The following DLGAP2 variants were observed in gnomAD, a reference collection of about 807,000 sequenced individuals.
DLGAP2 encodes disks large-associated protein 2.
DLGAP2 carries 26 observed loss-of-function variants against 100.3 expected under a neutral mutation model. The ratio of observed to expected loss-of-function variants is 0.26; its 90% CI spans 0.19 to 0.36. DLGAP2 has a LOEUF of 0.36. Ranked by LOEUF, DLGAP2 falls within the 10% of genes least tolerant of loss-of-function variation. The pLI is 1.00. For synonymous variants in DLGAP2, 886 were observed against 630.1 expected (o/e 1.41, Z -6.08); for missense variants, 1,858 against 1,453.2 (o/e 1.28, Z -4.53).
chr8:1,350,518 C>G lies in DLGAP2; in HGVS notation c.106+91635C>G, dbSNP rs866257230. ...CCTGACTGTGCGTGGAAAGGCCGTG[C>G]GGGTCCTGACAGTGCGTGGAAAGGC... is the stretch of plus-strand genomic sequence containing the variant. On this transcript the variant is annotated intron_variant, in intron 3 of 14. Coordinates refer to ENST00000637795, the MANE Select transcript of DLGAP2 (RefSeq NM_001346810.2). Among the ~76,000 whole-genome samples the G allele has an allele frequency of 2.4e-5, 2 of 83,364 alleles. 1 individual carries two copies. Among genetic ancestry groups the G allele is most frequent in the Non-Finnish European group, 4.6e-5 (2 of 43,316 alleles). 54.7% of individuals were successfully genotyped at this position (83,364 alleles called of 152,430 possible).
At chr8:1,209,977 A>G (rs1042390493) in intron 2 of DLGAP2, among the ~76,000 whole-genome samples, 6 of 152,154 alleles carry the variant, frequency 3.9e-5, no homozygotes, top group African/African-American at 1.4e-4. Context: ...CAACTCAAAT[A>G]ATTTGCCAGT....
intron 2 of DLGAP2, among the ~76,000 whole-genome samples, chr8:1,081,658 G>GA (rs1200395689): frequency 2.0e-5 from 3 of 152,068 alleles, no homozygotes; most frequent in African/African-American, 7.2e-5. Context: ...CTAGTTTTGA[G>GA]AAAAAATATT....
chr8:795,166 A>T (rs768888282), intron 1 of DLGAP2, among the ~76,000 whole-genome samples: 10 of 152,200 alleles, frequency 6.6e-5, no homozygotes, highest in Non-Finnish European at 1.5e-5. Flanking sequence ...GTCACCGTGA[A>T]CACTGAACCC....
At chr8:1,170,079 G>C (rs998835192) in intron 2 of DLGAP2, among the ~76,000 whole-genome samples, 1 of 152,112 alleles carries the variant, frequency 6.6e-6, no homozygotes, top group Non-Finnish European at 1.5e-5. Context: ...TTTATTGAGA[G>C]TTTTTAGCAT....
intron 1 of DLGAP2, among the ~76,000 whole-genome samples, chr8:906,268 G>C (rs1007179886): frequency 1.1e-4 from 16 of 152,238 alleles, no homozygotes; most frequent in African/African-American, 3.6e-4. Context: ...AGTATTTTGT[G>C]GGCAACTTAG....
chr8:1,162,070 G>A lies in DLGAP2; in HGVS notation c.74-96781G>A, dbSNP rs76684946. 6.8e-4 allele frequency among the ~76,000 whole-genome samples: 103 copies of A among 152,328 alleles called. No homozygotes were observed. In the East Asian group the frequency reaches 0.018, roughly 27 times the overall value. On this transcript the variant is annotated intron_variant, in intron 2 of 14. Coordinates refer to ENST00000637795, the MANE Select transcript of DLGAP2 (RefSeq NM_001346810.2). The stretch of plus-strand genomic sequence containing the variant: ...CCCGGAGCCTGCGTTTGCAGCAGAA[G>A]TTCCAGCTGATTCTTATCTCATTAA...
intron 2 of DLGAP2, among the ~76,000 whole-genome samples, chr8:1,203,468 A>C (rs1402222740): frequency 6.6e-6 from 1 of 152,068 alleles, no homozygotes; most frequent in Non-Finnish European, 1.5e-5. Flanking sequence ...GGCCTCCCCA[A>C]AGTGCCTTTT....
intron 2 of DLGAP2, among the ~76,000 whole-genome samples, chr8:1,209,317 G>A (rs1034633853): frequency 6.6e-6 from 1 of 152,138 alleles, no homozygotes; most frequent in African/African-American, 2.4e-5. Context: ...TAGAGCAATG[G>A]AACAGAATAG....
At chr8:1,514,901 C>T (rs1008862196) in intron 4 of DLGAP2, among the ~76,000 whole-genome samples, 7 of 152,208 alleles carry the variant, frequency 4.6e-5, no homozygotes, top group African/African-American at 1.4e-4. Flanking sequence ...AAGCCAGCCC[C>T]ACGAGGGGAA....
intron 3 of DLGAP2, among the ~76,000 whole-genome samples, chr8:1,264,371 C>T (rs1030536847): frequency 1.3e-5 from 2 of 152,064 alleles, no homozygotes; most frequent in Non-Finnish European, 2.9e-5. Flanking sequence ...AGACACTCAC[C>T]CAGCTTCCCC....
chr8:1,545,580 AT>A (rs1801507498), intron 4 of DLGAP2, among the ~76,000 whole-genome samples: 1 of 152,216 alleles, frequency 6.6e-6, no homozygotes, highest in Non-Finnish European at 1.5e-5. Flanking sequence ...GCCCCTAAGT[AT>A]TTATTACACA....
intron 3 of DLGAP2, chr8:1,302,226 G>A (rs1161961199): frequency 2.0e-5 from 3 of 150,688 alleles, no homozygotes; most frequent in Admixed American, 1.3e-4. Flanking sequence ...CCCGAGCTCT[G>A]CTCCATACCT....
chr8:982,884 T>A (rs1267497132), intron 2 of DLGAP2, among the ~76,000 whole-genome samples: 1 of 12,686 alleles, frequency 7.9e-5, no homozygotes, highest in Admixed American at 1.6e-3. Context: ...AAAGGTAGGA[T>A]TTTTTTTTTT....
chr8:1,138,412 C>T (rs534015224), intron 2 of DLGAP2, among the ~76,000 whole-genome samples: 4 of 152,360 alleles, frequency 2.6e-5, no homozygotes, highest in Admixed American at 2.6e-4. Context: ...GATCTGGCTT[C>T]TCCCCTGCTG....
rs143315540 is a variant in DLGAP2 at position 1,350,933 on chromosome 8, C to T, written c.106+92050C>T. Among the ~76,000 whole-genome samples, 44 of 58,010 alleles carry T rather than the reference C, an allele frequency of 7.6e-4. 1 individual carries two copies. The highest frequency in any genetic ancestry group is 2.2e-3 in the African/African-American group (40 of 18,208). 38.1% of individuals were successfully genotyped at this position (58,010 alleles called of 152,430 possible). On this transcript the variant is annotated intron_variant, in intron 3 of 14. Transcript: ENST00000637795. ...CGGGTCCTGACTGTGTGTGGAAAGG[C>T]CGTGCGGGTCCTGAGTGTGTGTGGA...
At chr8:1,230,926 C>A (rs1413578827) in intron 2 of DLGAP2, among the ~76,000 whole-genome samples, 1 of 152,104 alleles carries the variant, frequency 6.6e-6, no homozygotes, top group Non-Finnish European at 1.5e-5. Context: ...ATAGGAAACA[C>A]CATTCTGGAC....
intron 2 of DLGAP2, among the ~76,000 whole-genome samples, chr8:1,140,105 T>A (rs547379946): frequency 3.9e-5 from 6 of 152,170 alleles, no homozygotes; most frequent in Admixed American, 6.5e-5. Context: ...AGAAGAATCA[T>A]CTCCCATTTC....
At chr8:984,288 ATC>A (rs1302732262) in intron 2 of DLGAP2, among the ~76,000 whole-genome samples, 3 of 152,036 alleles carry the variant, frequency 2.0e-5, no homozygotes, top group Non-Finnish European at 2.9e-5. Flanking sequence ...GCTGGTCAAA[ATC>A]TCTCTCAAGG....
Position 1,600,268 on chromosome 8 carries a change from T to C in DLGAP2, c.1443-26472T>C, listed in dbSNP as rs555576329. 2.6e-5 allele frequency among the ~76,000 whole-genome samples: 4 copies of C among 152,328 alleles called. 1 individual carries two copies. Among genetic ancestry groups the C allele is most frequent in the African/African-American group, 9.6e-5 (4 of 41,578 alleles). On this transcript the variant is annotated intron_variant, in intron 6 of 14. Coordinates refer to ENST00000637795, the MANE Select transcript of DLGAP2 (RefSeq NM_001346810.2). The stretch of plus-strand genomic sequence containing the variant: ...TGTTAGTCTAATGGGCTTCCCTTTG[T>C]GGGTAACCTGACCTTTCTCTCTGGC...
Sources: gnomAD v4.1 joint callset for allele counts (sites outside exome capture counted in the v4.1 genomes callset) on GRCh38, gnomAD v4.1.1 for gene constraint, MANE v1.5 for transcripts, NCBI Gene and HGNC (gene_info 2026-07-23, HGNC 2026-07-21) for gene names.